MCTP1: variants seen among roughly 807,000 people sequenced by gnomAD.
The protein encoded by MCTP1 is multiple C2 and transmembrane domain-containing protein 1.
MCTP1 carries 69 observed loss-of-function variants against 120.6 expected under a neutral mutation model. The ratio of observed to expected loss-of-function variants is 0.57; its 90% CI spans 0.47 to 0.70. MCTP1 has a LOEUF of 0.70. Ranked by LOEUF, MCTP1 falls within the 30% of genes least tolerant of loss-of-function variation. MCTP1 has a pLI of 0.00. For missense variants in MCTP1, 1,203 were observed against 1,248.8 expected, an observed-to-expected ratio of 0.96 and a Z score of 0.55; for synonymous variants, 529 against 493.1, an observed-to-expected ratio of 1.07 and a Z score of -0.96.
intron 8 of MCTP1, 74 bp downstream of exon 8, chr5:94,917,822 A>G (rs1267961164): frequency 2.6e-6 from 3 of 1,167,840 alleles, no homozygotes; most frequent in Non-Finnish European, 3.9e-6. Flanking sequence ...TTTTCAGTAC[A>G]GTAAGTTGGC....
At chr5:95,220,488 T>C (rs1753568769) in intron 1 of MCTP1, among the ~76,000 whole-genome samples, 1 of 152,210 alleles carries the variant, frequency 6.6e-6, no homozygotes, top group African/African-American at 2.4e-5. Context: ...TGTTTCTCCT[T>C]CTTCCTCTAA....
intron 1 of MCTP1, among the ~76,000 whole-genome samples, chr5:95,143,599 T>C (rs1278329249): frequency 6.6e-6 from 1 of 152,112 alleles, no homozygotes; most frequent in Non-Finnish European, 1.5e-5. Context: ...ACCGTTTCCA[T>C]CTTTGTGTCA....
At chr5:95,217,020 C>T (rs1439595505) in intron 1 of MCTP1, among the ~76,000 whole-genome samples, 1 of 152,168 alleles carries the variant, frequency 6.6e-6, no homozygotes, top group African/African-American at 2.4e-5. Context: ...TGCGTATATA[C>T]AGCCCTAGTG....
intron 19 of MCTP1, among the ~76,000 whole-genome samples, chr5:94,765,339 A>G (rs1385272603): frequency 6.6e-6 from 1 of 152,222 alleles, no homozygotes; most frequent in Non-Finnish European, 1.5e-5. Flanking sequence ...TCAAGGAACT[A>G]GAACGGCAAG....
At chr5:95,024,725 A>G (rs1422445197) in intron 1 of MCTP1, among the ~76,000 whole-genome samples, 1 of 152,054 alleles carries the variant, frequency 6.6e-6, no homozygotes, top group African/African-American at 2.4e-5. Flanking sequence ...GGAATTCATT[A>G]AAGTTGCAGG....
intron 2 of MCTP1, among the ~76,000 whole-genome samples, chr5:94,954,431 AAT>A (rs1822049087): frequency 6.6e-6 from 1 of 151,866 alleles, no homozygotes; most frequent in East Asian, 1.9e-4. Flanking sequence ...AGGGGTGAAG[AAT>A]GAAATACCAT....
At chr5:94,904,577 T>G (rs13340358) in intron 10 of MCTP1, among the ~76,000 whole-genome samples, 1 of 152,160 alleles carries the variant, frequency 6.6e-6, no homozygotes, top group Non-Finnish European at 1.5e-5. Flanking sequence ...AATATGGCCA[T>G]TTATTATTAC....
At chr5:94,768,999 A>T (rs1773453583) in intron 19 of MCTP1, among the ~76,000 whole-genome samples, 1 of 152,158 alleles carries the variant, frequency 6.6e-6, no homozygotes, top group African/African-American at 2.4e-5. Flanking sequence ...ATCCATCAAC[A>T]TTTTAATGAA....
intron 10 of MCTP1, among the ~76,000 whole-genome samples, chr5:94,898,103 A>C (rs953553742): frequency 2.6e-5 from 4 of 152,340 alleles, no homozygotes; most frequent in Non-Finnish European, 2.9e-5. Flanking sequence ...TAACAATTAA[A>C]ATTTCAGTAT....
chr5:94,797,013 G>A (rs898918096), intron 18 of MCTP1, among the ~76,000 whole-genome samples: 9 of 152,004 alleles, frequency 5.9e-5, no homozygotes, highest in Non-Finnish European at 8.8e-5. Flanking sequence ...AAAGAGGAGC[G>A]TGTTAGAGGA....
At chr5:95,254,781 C>G (rs1757713720) in intron 1 of MCTP1, among the ~76,000 whole-genome samples, 1 of 152,104 alleles carries the variant, frequency 6.6e-6, no homozygotes, top group African/African-American at 2.4e-5. Flanking sequence ...ATGTAAAAAC[C>G]TGTTCTGACA....
At chr5:94,903,149 T>TA (rs11399742) in intron 10 of MCTP1, among the ~76,000 whole-genome samples, 59,963 of 151,184 alleles carry the variant, frequency 0.4, 12,545 homozygotes, top group African/African-American at 0.49. Flanking sequence ...CAATCATTAG[T>TA]AAAAAAAAAT....
At chr5:95,172,518 T>C (rs1263234084) in intron 1 of MCTP1, among the ~76,000 whole-genome samples, 3 of 152,206 alleles carry the variant, frequency 2.0e-5, no homozygotes, top group Non-Finnish European at 4.4e-5. Context: ...GCTTAACCAT[T>C]AGAGTGCTAA....
intron 19 of MCTP1, among the ~76,000 whole-genome samples, chr5:94,767,241 C>CA (rs1239552066): frequency 6.6e-6 from 1 of 152,116 alleles, no homozygotes; most frequent in African/African-American, 2.4e-5. Context: ...AAACTCTCAA[C>CA]AAATTAGGCA....
chr5:95,026,193 T>C (rs1425078452), intron 1 of MCTP1, among the ~76,000 whole-genome samples: 2 of 152,314 alleles, frequency 1.3e-5, no homozygotes, highest in Middle Eastern at 6.8e-3. Flanking sequence ...TATGTATTTA[T>C]GGGTTTCATG....
At chr5:94,988,620 A>G (rs1200194347) in intron 2 of MCTP1, among the ~76,000 whole-genome samples, 1 of 100,992 alleles carries the variant, frequency 9.9e-6, no homozygotes, top group Non-Finnish European at 1.9e-5. Context: ...TTTTTTTGGT[A>G]CTTCACCTTC....
chr5:94,927,883 T>C (rs1180284080), intron 6 of MCTP1, among the ~76,000 whole-genome samples: 1 of 152,078 alleles, frequency 6.6e-6, no homozygotes, highest in East Asian at 1.9e-4. Flanking sequence ...ATAAAGTGTT[T>C]TATAGTTCAT....
At chr5:94,809,221 G>C (rs899837146) in intron 17 of MCTP1, among the ~76,000 whole-genome samples, 2 of 151,826 alleles carry the variant, frequency 1.3e-5, no homozygotes, top group Non-Finnish European at 2.9e-5. Context: ...CTGCCAGCCA[G>C]AAGGCTTGGG....
chr5:94,854,453 T>C (rs1794351057), intron 17 of MCTP1, among the ~76,000 whole-genome samples: 1 of 151,802 alleles, frequency 6.6e-6, no homozygotes, highest in African/African-American at 2.4e-5. Flanking sequence ...TACAACCAAG[T>C]TTTTAATAGA....
Sources: allele counts gnomAD v4.1 joint callset (sites outside exome capture counted in the v4.1 genomes callset), GRCh38; gene constraint gnomAD v4.1.1; transcripts MANE v1.5; gene names NCBI Gene and HGNC (gene_info 2026-07-23, HGNC 2026-07-21).